The following MAGI2 variants were observed in gnomAD, a reference collection of about 807,000 sequenced individuals.
MAGI2 encodes the protein membrane associated guanylate kinase, WW and PDZ domain containing 2.
Under a neutral mutation model 133.3 loss-of-function variants are expected in MAGI2, and 35 were observed. The ratio of observed to expected loss-of-function variants is 0.26; its 90% CI spans 0.20 to 0.35. The LOEUF is 0.35. MAGI2 is among the 10% of genes least tolerant of loss of function. The pLI, the probability that MAGI2 is intolerant of heterozygous loss-of-function variation, is 1.00. For synonymous variants in MAGI2, 729 were observed against 710.6 expected (o/e 1.03, Z -0.41); for missense variants, 1,636 against 1,863.4 (o/e 0.88, Z 2.25).
At chr7:78,380,708 T>A (rs1794846262) in intron 6 of MAGI2, among the ~76,000 whole-genome samples, 1 of 152,102 alleles carries the variant, frequency 6.6e-6, no homozygotes, top group Non-Finnish European at 1.5e-5. Context: ...GTCAACAATA[T>A]TTTATTGTAC....
At chr7:79,452,969 C>T in intron 1 of MAGI2, 51 bp downstream of exon 1, 3 of 1,504,822 alleles carry the variant, frequency 2.0e-6, no homozygotes, top group Non-Finnish European at 2.7e-6. Flanking sequence ...TGCCCTGCGC[C>T]CCGAGCGGTC....
intron 2 of MAGI2, among the ~76,000 whole-genome samples, chr7:78,882,077 CAACAACAACAAA>C (rs1433091054): frequency 1.4e-3 from 23 of 16,200 alleles, no homozygotes; most frequent in African/African-American, 6.5e-3. Context: ...TTAACAACAA[CAACAACAACAAA>C]AAAAAAAAAA....
chr7:78,901,958 T>C lies in MAGI2; in HGVS notation c.418+105132A>G, dbSNP rs372409015. Among the ~76,000 whole-genome samples, 7 of 152,132 alleles carry C rather than the reference T, an allele frequency of 4.6e-5. No homozygotes were observed. The South Asian group carries it at 8.3e-4, about 18-fold the overall frequency. Reference sequence around the variant, plus strand: ...AATAATTTCTTTTACATCCCAGCAATAAGGAAAACTAAAATTCAATGAAAT... The same window carrying C: ...AATAATTTCTTTTACATCCCAGCAACAAGGAAAACTAAAATTCAATGAAAT... On this transcript the variant is annotated intron_variant, in intron 2 of 21. Coordinates refer to ENST00000354212, the MANE Select transcript of MAGI2 (RefSeq NM_012301.4).
intron 1 of MAGI2, among the ~76,000 whole-genome samples, chr7:79,344,335 G>T (rs1468754386): frequency 6.6e-6 from 1 of 152,086 alleles, no homozygotes; most frequent in Admixed American, 6.6e-5. Flanking sequence ...TAGCTAGGGA[G>T]GTAAGACATA....
At chr7:79,451,225 T>A (rs867661090) in intron 1 of MAGI2, among the ~76,000 whole-genome samples, 3 of 152,224 alleles carry the variant, frequency 2.0e-5, no homozygotes, top group Non-Finnish European at 4.4e-5. Flanking sequence ...CATCCGTTTG[T>A]GGGACTCTAT....
At chr7:78,287,566 C>T (rs1796273502) in intron 9 of MAGI2, among the ~76,000 whole-genome samples, 1 of 152,052 alleles carries the variant, frequency 6.6e-6, no homozygotes, top group Non-Finnish European at 1.5e-5. Flanking sequence ...GTAGTATTAG[C>T]TTTCAAAAAT....
chr7:78,431,913 T>C (rs1474557059), intron 6 of MAGI2, among the ~76,000 whole-genome samples: 2 of 152,070 alleles, frequency 1.3e-5, no homozygotes, highest in Admixed American at 1.3e-4. Flanking sequence ...TTTGGCATCA[T>C]GTAGATAAAA....
intron 2 of MAGI2, among the ~76,000 whole-genome samples, chr7:78,662,189 T>G (rs1312825050): frequency 6.6e-6 from 1 of 152,198 alleles, no homozygotes; most frequent in African/African-American, 2.4e-5. Context: ...GGGTGTAAAG[T>G]ACTTTATTTA....
chr7:78,967,295 G>A (rs1222201872), intron 2 of MAGI2, among the ~76,000 whole-genome samples: 1 of 151,800 alleles, frequency 6.6e-6, no homozygotes, highest in East Asian at 1.9e-4. Context: ...TTTTTACTGG[G>A]TTATTTGTTT....
chr7:79,367,349 G>A (rs554732787), intron 1 of MAGI2, among the ~76,000 whole-genome samples: 2 of 152,304 alleles, frequency 1.3e-5, no homozygotes, highest in African/African-American at 4.8e-5. Flanking sequence ...GAATCTTAAT[G>A]CATCATTGAT....
intron 2 of MAGI2, among the ~76,000 whole-genome samples, chr7:78,853,345 T>TCG (rs1793327162): frequency 1.3e-5 from 1 of 77,790 alleles, no homozygotes; most frequent in African/African-American, 4.9e-5. Context: ...TTTTTTTTTT[T>TCG]TTTTTTTTTT....
chr7:78,268,675 C>T (rs982920557), intron 9 of MAGI2, among the ~76,000 whole-genome samples: 3 of 152,110 alleles, frequency 2.0e-5, no homozygotes, highest in Admixed American at 6.6e-5. Context: ...AGGTTCATTT[C>T]ATCTATTTAT....
chr7:79,073,803 T>G (rs1163665209), intron 1 of MAGI2, among the ~76,000 whole-genome samples: 3 of 151,572 alleles, frequency 2.0e-5, no homozygotes, highest in African/African-American at 7.3e-5. Flanking sequence ...CTTTTCTAAT[T>G]TCTTGACCAT....
At chr7:79,136,064 A>AGAAG (rs1204173487) in intron 1 of MAGI2, among the ~76,000 whole-genome samples, 2 of 124,272 alleles carry the variant, frequency 1.6e-5, no homozygotes, top group African/African-American at 3.2e-5. Flanking sequence ...AAAGAAAGAA[A>AGAAG]GAAGGAAAGA....
chr7:79,263,845 G>A (rs927049423), intron 1 of MAGI2, among the ~76,000 whole-genome samples: 8 of 152,072 alleles, frequency 5.3e-5, no homozygotes, highest in African/African-American at 1.9e-4. Context: ...AAATTACATT[G>A]ATATTTTGTG....
chr7:78,804,748 C>CAAAAAAAAAAAAAAAAAAAAAAAAAAAA (rs373472835), intron 2 of MAGI2, among the ~76,000 whole-genome samples: 3 of 97,734 alleles, frequency 3.1e-5, no homozygotes, highest in African/African-American at 9.5e-5. Context: ...GACTCTGTCT[C>CAAAAAAAAAAAAAAAAAAAAAAAAAAAA]AAAAAAAAAA....
intron 1 of MAGI2, among the ~76,000 whole-genome samples, chr7:79,072,293 A>G (rs1287659797): frequency 6.6e-6 from 1 of 152,170 alleles, no homozygotes; most frequent in Non-Finnish European, 1.5e-5. Flanking sequence ...CTGGGAAAAC[A>G]TGACTCTTCC....
intron 3 of MAGI2, among the ~76,000 whole-genome samples, chr7:78,535,734 C>T (rs923612418): frequency 1.3e-5 from 2 of 152,066 alleles, no homozygotes; most frequent in Admixed American, 1.3e-4. Flanking sequence ...AAATTAGCCA[C>T]AAAATTAACA....
At chr7:78,508,908 C>T (rs1444029986) in intron 4 of MAGI2, among the ~76,000 whole-genome samples, 7 of 142,558 alleles carry the variant, frequency 4.9e-5, no homozygotes, top group East Asian at 2.0e-4. Flanking sequence ...TTTTTTGAGA[C>T]GGGGTCTTGT....
Sources: gnomAD v4.1 joint callset for allele counts (sites outside exome capture counted in the v4.1 genomes callset) on GRCh38, gnomAD v4.1.1 for gene constraint, MANE v1.5 for transcripts, NCBI Gene and HGNC (gene_info 2026-07-23, HGNC 2026-07-21) for gene names.